Variants in NBEA observed in about 807,000 individuals in gnomAD.
The protein encoded by NBEA is lysosomal-trafficking regulator 2.
NBEA carries 44 observed loss-of-function variants against 343.4 expected under a neutral mutation model. The ratio of observed to expected loss-of-function variants is 0.13; its 90% CI spans 0.10 to 0.16. NBEA has a LOEUF of 0.16. Ranked by LOEUF, NBEA falls within the 10% of genes least tolerant of loss-of-function variation. The pLI is 1.00. For synonymous variants in NBEA, 1,175 were observed against 1,238.7 expected (o/e 0.95, Z 1.08); for missense variants, 2,555 against 3,631.3 (o/e 0.70, Z 7.62).
intron 41 of NBEA, among the ~76,000 whole-genome samples, chr13:35,480,336 C>T (rs2076071679): frequency 6.6e-6 from 1 of 151,848 alleles, no homozygotes; most frequent in South Asian, 2.1e-4. Context: ...TACAAGAATG[C>T]AATATTTCTT....
At chr13:35,409,523 A>G (rs1429596360) in intron 38 of NBEA, among the ~76,000 whole-genome samples, 1 of 152,164 alleles carries the variant, frequency 6.6e-6, no homozygotes, top group Admixed American at 6.6e-5. Context: ...TAACATTAAC[A>G]TGATATTTCA....
At chr13:35,215,457 AAGAGT>A (rs1335513947) in intron 33 of NBEA, among the ~76,000 whole-genome samples, 3 of 151,846 alleles carry the variant, frequency 2.0e-5, no homozygotes, top group Admixed American at 6.6e-5. Context: ...CCAGACCAAA[AAGAGT>A]ACATAGTGTA....
chr13:35,261,083 T>A (rs1593980938), intron 34 of NBEA, among the ~76,000 whole-genome samples: 1 of 152,134 alleles, frequency 6.6e-6, no homozygotes, highest in East Asian at 1.9e-4. Flanking sequence ...ACATAATTAC[T>A]AGACATGAGA....
intron 36 of NBEA, among the ~76,000 whole-genome samples, chr13:35,325,175 A>G (rs2152843514): frequency 6.6e-6 from 1 of 152,208 alleles, no homozygotes; most frequent in African/African-American, 2.4e-5. Context: ...TTACTCATAA[A>G]GCAGACTTCA....
chr13:35,118,743 G>C (rs1457082781), intron 16 of NBEA, among the ~76,000 whole-genome samples: 1 of 151,346 alleles, frequency 6.6e-6, no homozygotes, highest in African/African-American at 2.4e-5. Context: ...TTTTTTCCAA[G>C]AAGACACGAA....
At chr13:35,060,226 T>C (rs1347049826) in intron 8 of NBEA, among the ~76,000 whole-genome samples, 1 of 151,790 alleles carries the variant, frequency 6.6e-6, no homozygotes, top group Non-Finnish European at 1.5e-5. Context: ...TCCAATATGA[T>C]TGCTAATGTT....
intron 40 of NBEA, among the ~76,000 whole-genome samples, chr13:35,455,887 C>T (rs972628554): frequency 1.3e-5 from 2 of 151,746 alleles, no homozygotes; most frequent in African/African-American, 4.8e-5. Context: ...TAAAATATAC[C>T]AAATAGTACA....
intron 39 of NBEA, among the ~76,000 whole-genome samples, chr13:35,449,179 A>G (rs1203588639): frequency 6.6e-6 from 1 of 152,226 alleles, no homozygotes; most frequent in Non-Finnish European, 1.5e-5. Context: ...TTTGGATTTT[A>G]TCCTCCAGTC....
intron 33 of NBEA, among the ~76,000 whole-genome samples, chr13:35,227,042 T>A (rs1339789398): frequency 6.6e-6 from 1 of 152,138 alleles, no homozygotes; most frequent in Non-Finnish European, 1.5e-5. Context: ...TTTTTTAACC[T>A]TTTCATCATG....
At chr13:35,300,983 A>G (rs1317181893) in intron 35 of NBEA, among the ~76,000 whole-genome samples, 2 of 152,162 alleles carry the variant, frequency 1.3e-5, no homozygotes, top group Non-Finnish European at 2.9e-5. Context: ...CCACTTTTAC[A>G]ACTGTCATTC....
chr13:35,034,162 T>G (rs1401530032), intron 1 of NBEA, among the ~76,000 whole-genome samples: 1 of 151,902 alleles, frequency 6.6e-6, no homozygotes, highest in African/African-American at 2.4e-5. Flanking sequence ...AGTATATGCT[T>G]TTTGTTGTGT....
At chr13:35,394,209 A>G (rs1367274053) in intron 38 of NBEA, among the ~76,000 whole-genome samples, 1 of 152,142 alleles carries the variant, frequency 6.6e-6, no homozygotes, top group Non-Finnish European at 1.5e-5. Context: ...TCAGCTGAAC[A>G]CTGTACAGAT....
intron 1 of NBEA, among the ~76,000 whole-genome samples, chr13:34,976,405 A>T (rs7338242): frequency 2.0e-5 from 3 of 151,886 alleles, no homozygotes; most frequent in South Asian, 4.2e-4. Context: ...GATACATTGG[A>T]GTTTGGGGAC....
chr13:35,045,232 A>G lies in NBEA; in HGVS notation c.628-74A>G, dbSNP rs1593569478. 23 of 1,291,776 alleles carry G rather than the reference A, an allele frequency of 1.8e-5. No individual in the cohort carries two copies. In the South Asian group the frequency reaches 2.2e-4, roughly 12 times the overall value. 80.0% of individuals were successfully genotyped at this position (1,291,776 alleles called of 1,614,324 possible). On this transcript the variant is annotated intron_variant, in intron 3 of 58. Transcript: ENST00000379939. ...TTCTCTCTAGTTAGAAAACAGTCCA[A>G]TGGGTAACATGGTATATTAAGTATG...
intron 36 of NBEA, among the ~76,000 whole-genome samples, chr13:35,318,845 C>T (rs546616802): frequency 2.0e-4 from 31 of 152,144 alleles, no homozygotes; most frequent in African/African-American, 7.2e-4. Context: ...GTGTATGTGT[C>T]CAGGAATTTA....
At chr13:35,317,787 G>C (rs1410033465) in intron 36 of NBEA, among the ~76,000 whole-genome samples, 3 of 152,128 alleles carry the variant, frequency 2.0e-5, no homozygotes, top group Admixed American at 6.5e-5. Context: ...TCCTTGAGCA[G>C]TGGTTTATAG....
intron 35 of NBEA, among the ~76,000 whole-genome samples, chr13:35,307,812 T>C (rs889181899): frequency 6.6e-6 from 1 of 152,092 alleles, no homozygotes; most frequent in African/African-American, 2.4e-5. Context: ...AAATACAGAA[T>C]ATAGAATGAG....
chr13:35,159,043 C>A lies in NBEA; in HGVS notation c.2872C>A (p.Leu958Ile). 6.2e-7 allele frequency: 1 copy of A among 1,608,788 alleles called. No homozygotes were observed. Among genetic ancestry groups the A allele is most frequent in the Non-Finnish European group, 8.5e-7 (1 of 1,177,946 alleles). The change falls in exon 22 of 59, where the codon CTA (leucine) becomes ATA (isoleucine). Residue 958 changes from leucine to isoleucine, a missense_variant. Around this residue, in one of 21 missense-constraint regions of NBEA, gnomAD observed 18 missense variants for 21.7 expected, o/e 0.83. Coordinates refer to ENST00000379939, the MANE Select transcript of NBEA (RefSeq NM_001385012.1). ...KVTYEAHKEY[L>I]AKMYEEYQRQ... is the part of the protein sequence containing the mutation. ...CACTTATGAAGCTCATAAGGAATAC[C>A]TAGCCAAAATGTATGAGGAATATCA...
intron 19 of NBEA, 24 bp downstream of exon 19, chr13:35,155,879 T>G: frequency 6.3e-7 from 1 of 1,586,794 alleles, no homozygotes; most frequent in Non-Finnish European, 8.7e-7. Flanking sequence ...AGTTCTTTAC[T>G]GTATTGTGGT....
Sources: gnomAD v4.1 joint callset for allele counts (sites outside exome capture counted in the v4.1 genomes callset) on GRCh38, gnomAD v4.1.1 for gene constraint, gnomAD v4.1.1 regional missense constraint, MANE v1.5 for transcripts, NCBI Gene and HGNC (gene_info 2026-07-23, HGNC 2026-07-21) for gene names.